SFTPB: variants seen among roughly 807,000 people sequenced by gnomAD.
The protein encoded by SFTPB is surfactant protein B, also known as pulmonary surfactant-associated protein B.
Under a neutral mutation model 51.0 loss-of-function variants are expected in SFTPB, and 32 were observed. The observed-to-expected ratio is 0.63, with a 90% CI of 0.47 to 0.84. The LOEUF (loss-of-function observed/expected upper bound fraction) is 0.84. Among genes scored for constraint, SFTPB ranks in the 40% least tolerant of loss-of-function variants. The pLI, the probability that SFTPB is intolerant of heterozygous loss-of-function variation, is 0.00. For missense variants in SFTPB, 431 were observed against 491.2 expected, an observed-to-expected ratio of 0.88 and a Z score of 1.16; for synonymous variants, 211 against 208.5, an observed-to-expected ratio of 1.01 and a Z score of -0.10.
Position 85,659,036 on chromosome 2 carries a change from G to T in SFTPB, c.*666C>A, listed in dbSNP as rs989312238. On this transcript the variant is annotated 3_prime_UTR_variant, in exon 11 of 11. Transcript: ENST00000519937. ...AGTCCACCTTACAGAAAGACAAAAA[G>T]AAACCCCTTTTTATATCTTAACAAA... is the stretch of plus-strand genomic sequence containing the variant. 2.0e-5 allele frequency: 3 copies of T among 151,854 alleles called. No individual in the cohort carries two copies. Among genetic ancestry groups the T allele is most frequent in the Non-Finnish European group, 4.4e-5 (3 of 68,024 alleles). 9.4% of individuals were successfully genotyped at this position (151,854 alleles called of 1,614,324 possible). A position where few individuals can be genotyped will look rare whatever the true frequency, so the allele number is the denominator to read the frequency against.
rs34904064 is a variant in SFTPB, at chr2:85,662,405, T to C, written c.1003-296A>G. 478 of 741,574 alleles carry C rather than the reference T, an allele frequency of 6.4e-4. 2 individuals are homozygous for C. In the African/African-American group the frequency reaches 8.3e-3, roughly 13 times the overall value. The allele number at this position is 741,574 out of a possible 1,614,324, so 45.9% of individuals were successfully genotyped here. On this transcript the variant is annotated intron_variant, in intron 8 of 10. Coordinates refer to ENST00000519937, the MANE Select transcript of SFTPB (RefSeq NM_000542.5). The stretch of plus-strand genomic sequence containing the variant: ...TCCATTTCAGTTCTAGAAGGAAACT[T>C]AACGTTCATCTGGTCCTTGAGACCA...
chr2:85,664,188 A>G (rs1297950186), intron 6 of SFTPB, among the ~76,000 whole-genome samples: 2 of 152,114 alleles, frequency 1.3e-5, no homozygotes, highest in South Asian at 2.1e-4. Context: ...CACTTCACAC[A>G]GGCATCTTGA....
rs940565169 is a variant in SFTPB at position 85,663,958 on chromosome 2, A to G, written c.673-111T>C. 36 of 999,958 alleles carry G rather than the reference A, an allele frequency of 3.6e-5. 1 individual carries two copies. The Admixed American group carries it at 6.1e-4, about 17-fold the overall frequency. 61.9% of individuals were successfully genotyped at this position (999,958 alleles called of 1,614,324 possible). A position where few individuals can be genotyped will look rare whatever the true frequency, so the allele number is the denominator to read the frequency against. On this transcript the variant is annotated intron_variant, in intron 6 of 10. Coordinates refer to ENST00000519937, the MANE Select transcript of SFTPB (RefSeq NM_000542.5). ...TACGCATTCCCTCATTCTCTTCTAG[A>G]AGGGAGGGCAAGGCTATTCACAAAT...
intron 8 of SFTPB, among the ~76,000 whole-genome samples, chr2:85,663,088 G>A (rs1677391340): frequency 6.6e-6 from 1 of 152,144 alleles, no homozygotes; most frequent in Non-Finnish European, 1.5e-5. Flanking sequence ...CTGAAGGCTT[G>A]CCTGGTGCTC....
intron 4 of SFTPB, 172 bp downstream of exon 4, chr2:85,666,445 G>T (rs1391977588): frequency 3.4e-6 from 2 of 589,608 alleles, no homozygotes; most frequent in Non-Finnish European, 6.1e-6. Flanking sequence ...GTGTGTGTGT[G>T]TCCGGCTGGC....
At position 85,657,892 on chromosome 2, in the gene SFTPB, G is replaced by C. The variant is rs908896798; in HGVS notation, c.*1810C>G. On this transcript the variant is annotated 3_prime_UTR_variant, in exon 11 of 11. Transcript: ENST00000519937. ...ACAAAATACCTTCTTAAGGGTGCGG[G>C]GGTGCGGGCGTGGGGTGGGTGGGGA... The C allele has an allele frequency of 6.6e-6, 1 of 152,068 alleles. No individual in the cohort carries two copies. Among genetic ancestry groups the C allele is most frequent in the Non-Finnish European group, 1.5e-5 (1 of 68,004 alleles). The allele number at this position is 152,068 out of a possible 1,614,324, so 9.4% of individuals were successfully genotyped here.
intron 9 of SFTPB, 35 bp from the exon 10 acceptor site, chr2:85,661,570 G>A (rs760486731): frequency 1.3e-6 from 2 of 1,552,160 alleles, no homozygotes; most frequent in Non-Finnish European, 1.8e-6. Flanking sequence ...TGAGGCCTGG[G>A]CCCCCTCAGC....
intron 3 of SFTPB, 127 bp from the exon 4 acceptor site, chr2:85,666,869 C>T: frequency 7.7e-7 from 1 of 1,306,562 alleles, no homozygotes; most frequent in Non-Finnish European, 1.1e-6. Flanking sequence ...TCACGAGTGC[C>T]AAGGAGTTAA....
intron 10 of SFTPB, 43 bp downstream of exon 10, chr2:85,661,411 G>T: frequency 7.1e-7 from 1 of 1,400,948 alleles, no homozygotes; most frequent in South Asian, 1.2e-5. Context: ...TGATGGTCAG[G>T]ACCTGCCCCC....
Position 85,661,502 on chromosome 2 carries a change from G to C in SFTPB, c.1117C>G (p.Leu373Val), listed in dbSNP as rs1451549903. Residue 373 changes from leucine (L) to valine (V), a missense_variant, in exon 10 of 11, where the codon CTC becomes GTC. Transcript: ENST00000519937. ...AGGTCGGGGCTGTGGATACACTGGA[G>C]AGGGCTGGACATGGTCCCACACACC... ...LGVCGTMSSP[L>V]QCIHSPDL 1.2e-6 allele frequency: 2 copies of C among 1,612,412 alleles called. No homozygotes were observed. Among genetic ancestry groups the C allele is most frequent in the Non-Finnish European group, 1.7e-6 (2 of 1,179,396 alleles).
At chr2:85,661,241 T>A in intron 10 of SFTPB, 1 of 450,148 alleles carries the variant, frequency 2.2e-6, no homozygotes. Flanking sequence ...GTGACTGGGG[T>A]TCTGGGCGGG....
intron 4 of SFTPB, among the ~76,000 whole-genome samples, chr2:85,666,215 CTGTGTGTGTGTGTGTGTG>C (rs34530476): frequency 1.0e-5 from 1 of 96,440 alleles, no homozygotes; most frequent in East Asian, 3.1e-4. Context: ...TGTGTGTGTG[CTGTGTGTGTGTGTGTGTG>C]TGTGTGTGTG....
rs1311659765 is a variant in SFTPB, at chr2:85,657,548, G to A, written c.*2154C>T. 2 of 152,210 alleles carry A rather than the reference G, an allele frequency of 1.3e-5. No homozygotes were observed. The highest frequency in any genetic ancestry group is 4.8e-5 in the African/African-American group (2 of 41,446). The allele number at this position is 152,210 out of a possible 1,614,324, so 9.4% of individuals were successfully genotyped here. On this transcript the variant is annotated 3_prime_UTR_variant, in exon 11 of 11. Coordinates refer to ENST00000519937, the MANE Select transcript of SFTPB (RefSeq NM_000542.5). Reference sequence around the variant, plus strand: ...CTTGAACGGTGGAGGTGTGGAGCCAGAGGCTGTGGGGAGAAGATGGAAAAA... The same window carrying A: ...CTTGAACGGTGGAGGTGTGGAGCCAAAGGCTGTGGGGAGAAGATGGAAAAA...
At chr2:85,668,092 A>G (rs1488077357) in intron 1 of SFTPB, 25 bp downstream of exon 1, 2 of 1,526,814 alleles carry the variant, frequency 1.3e-6, no homozygotes, top group Non-Finnish European at 1.8e-6. Context: ...GCTGCCTAGG[A>G]GAGGGGAGGC....
chr2:85,667,418 A>ATCCC, intron 2 of SFTPB, among the ~76,000 whole-genome samples: 1 of 149,448 alleles, frequency 6.7e-6, no homozygotes, highest in African/African-American at 2.5e-5. Context: ...CATCCCATCC[A>ATCCC]TCTTTATTCT....
intron 9 of SFTPB, among the ~76,000 whole-genome samples, chr2:85,661,748 C>T (rs1677312074): frequency 6.6e-6 from 1 of 152,132 alleles, no homozygotes; most frequent in Non-Finnish European, 1.5e-5. Flanking sequence ...CCACTTTGTA[C>T]CCCCACCCCA....
chr2:85,666,414 G>C, intron 4 of SFTPB: 2 of 523,400 alleles, frequency 3.8e-6, no homozygotes, highest in South Asian at 3.8e-5. Flanking sequence ...TGTCCGGCCA[G>C]CTGGGGTGTT....
chr2:85,668,616 C>T (rs1428038086), upstream of SFTPB: 1 of 211,088 alleles, frequency 4.7e-6, no homozygotes, highest in Non-Finnish European at 9.6e-6. Flanking sequence ...CTGCCTGGCT[C>T]TTAACCCAGG....
At chr2:85,661,821 A>G (rs1039846853) in intron 9 of SFTPB, among the ~76,000 whole-genome samples, 4 of 152,150 alleles carry the variant, frequency 2.6e-5, no homozygotes, top group African/African-American at 9.7e-5. Flanking sequence ...CGCACTCCTC[A>G]GGCCATCCCT....
Sources: gnomAD v4.1 joint callset for allele counts (sites outside exome capture counted in the v4.1 genomes callset) on GRCh38, gnomAD v4.1.1 for gene constraint, MANE v1.5 for transcripts, NCBI Gene and HGNC (gene_info 2026-07-23, HGNC 2026-07-21) for gene names.